Variants in RDX observed in about 807,000 individuals in gnomAD.
RDX encodes radixin.
RDX carries 32 observed loss-of-function variants against 83.7 expected under a neutral mutation model. The ratio of observed to expected loss-of-function variants is 0.38; its 90% confidence interval spans 0.29 to 0.51. RDX has a LOEUF of 0.51. Among genes scored for constraint, RDX ranks in the 20% least tolerant of loss-of-function variants. The pLI is 0.87. For missense variants in RDX, 600 were observed against 689.9 expected (o/e 0.87, Z 1.46); for synonymous variants, 229 against 222.7 (o/e 1.03, Z -0.25).
intron 9 of RDX, among the ~76,000 whole-genome samples, chr11:110,251,852 T>C (rs966379948): frequency 1.1e-4 from 16 of 152,168 alleles, no homozygotes; most frequent in Non-Finnish European, 2.1e-4. Flanking sequence ...GGAGTAAATA[T>C]AGCCAAATAT....
At chr11:110,180,654 C>CT (rs11295043) in intron 15 of RDX, among the ~76,000 whole-genome samples, 210 of 141,964 alleles carry the variant, frequency 1.5e-3, no homozygotes, top group Middle Eastern at 3.6e-3. Flanking sequence ...TATCTCAGAA[C>CT]TTTTTTTTTT....
chr11:110,191,542 T>C (rs1489816436), intron 15 of RDX, among the ~76,000 whole-genome samples: 1 of 152,204 alleles, frequency 6.6e-6, no homozygotes, highest in African/African-American at 2.4e-5. Context: ...CTATTCAGCA[T>C]AGTACTTGAA....
chr11:110,251,577 T>C (rs957504691), intron 9 of RDX, among the ~76,000 whole-genome samples: 4 of 152,214 alleles, frequency 2.6e-5, no homozygotes, highest in African/African-American at 4.8e-5. Flanking sequence ...GTTCTTTGTA[T>C]GACACTAGCC....
chr11:110,222,736 C>T (rs1864292922), intron 14 of RDX, among the ~76,000 whole-genome samples: 1 of 152,114 alleles, frequency 6.6e-6, no homozygotes, highest in Non-Finnish European at 1.5e-5. Flanking sequence ...GTGGAGGTTG[C>T]AGTGAGCCGA....
intron 15 of RDX, among the ~76,000 whole-genome samples, chr11:110,187,617 C>T (rs114337600): frequency 1.3e-5 from 2 of 152,216 alleles, no homozygotes; most frequent in Non-Finnish European, 2.9e-5. Context: ...CAGCTCCATA[C>T]CTAGGCACAC....
chr11:110,248,206 A>T (rs1034983633), intron 9 of RDX, among the ~76,000 whole-genome samples: 2 of 152,208 alleles, frequency 1.3e-5, no homozygotes, highest in Non-Finnish European at 2.9e-5. Context: ...GTAAACAAAA[A>T]CCACCTATAT....
chr11:110,226,541 G>C (rs1864442285), downstream of RDX, among the ~76,000 whole-genome samples: 1 of 152,176 alleles, frequency 6.6e-6, no homozygotes, highest in African/African-American at 2.4e-5. Context: ...GAACATCCTG[G>C]AGATGGATGG....
chr11:110,218,286 CT>C (rs1182788313), intron 14 of RDX, among the ~76,000 whole-genome samples: 2 of 152,222 alleles, frequency 1.3e-5, no homozygotes, highest in African/African-American at 4.8e-5. Flanking sequence ...GACAACTACT[CT>C]AACTCAAAGA....
At chr11:110,252,437 T>C (rs139501674) in intron 9 of RDX, among the ~76,000 whole-genome samples, 1 of 152,110 alleles carries the variant, frequency 6.6e-6, no homozygotes, top group African/African-American at 2.4e-5. Context: ...ATATCAACAT[T>C]ATGAATGAGC....
intron 1 of RDX, among the ~76,000 whole-genome samples, chr11:110,296,141 C>G (rs1429729040): frequency 6.6e-6 from 1 of 152,202 alleles, no homozygotes; most frequent in Non-Finnish European, 1.5e-5. Flanking sequence ...CCGACACCGG[C>G]GCTGAAGGCA....
chr11:110,248,459 C>CCACTGAGA (rs1476415934), intron 9 of RDX, among the ~76,000 whole-genome samples: 4 of 152,014 alleles, frequency 2.6e-5, no homozygotes, highest in Non-Finnish European at 5.9e-5. Flanking sequence ...ACAATAAAGA[C>CCACTGAGA]CACTGAGACT....
At chr11:110,294,832 A>T (rs1861381379) in intron 1 of RDX, among the ~76,000 whole-genome samples, 2 of 152,176 alleles carry the variant, frequency 1.3e-5, no homozygotes, top group Non-Finnish European at 2.9e-5. Context: ...ATGTGTGGGG[A>T]TACAGGAGTG....
In RDX at chr11:110,235,136, G is replaced by GA. The variant is rs138801395; in HGVS notation, c.1344+962dup. ...GGGGGCTGAGATGGGAGGGCTGCTTGAGGCCAGCAGTTCAAGACCAACCTG... is the reference window on the plus strand; with the variant it reads ...GGGGGCTGAGATGGGAGGGCTGCTTGAAGGCCAGCAGTTCAAGACCAACCTG... On this transcript the variant is annotated intron_variant, in intron 12 of 13. Coordinates refer to ENST00000645495, the MANE Select transcript of RDX (RefSeq NM_002906.4). Among the ~76,000 whole-genome samples the GA allele has an allele frequency of 2.1e-3, 314 of 152,164 alleles. 9 individuals carry two copies. The East Asian group carries it at 0.057, about 28-fold the overall frequency.
chr11:110,198,379 T>G (rs1863276620), intron 15 of RDX, among the ~76,000 whole-genome samples: 1 of 152,208 alleles, frequency 6.6e-6, no homozygotes, highest in African/African-American at 2.4e-5. Flanking sequence ...CATAATACTA[T>G]ATTAACCTAG....
chr11:110,195,115 C>G (rs543552107), intron 15 of RDX, among the ~76,000 whole-genome samples: 1 of 152,106 alleles, frequency 6.6e-6, no homozygotes, highest in Non-Finnish European at 1.5e-5. Flanking sequence ...CTCAGCCTCC[C>G]GAGTAGCTGG....
At chr11:110,274,534 T>C (rs1274749331) in intron 2 of RDX, among the ~76,000 whole-genome samples, 1 of 152,150 alleles carries the variant, frequency 6.6e-6, no homozygotes, top group Non-Finnish European at 1.5e-5. Context: ...CCCTGTTGCC[T>C]AGGTTGGAGC....
At position 110,273,406 on chromosome 11, in the gene RDX, TTTG is replaced by T. The variant is rs1860379987; in HGVS notation, c.13-790_13-788del. On this transcript the variant is annotated intron_variant, in intron 2 of 13. Transcript: ENST00000645495. The stretch of plus-strand genomic sequence containing the variant: ...GTGCTTTATTTGCTAGATTCTATTT[TTTG>T]TTGTTTTTAGAGACAGGGTCTCACT... Among the ~76,000 whole-genome samples the T allele has an allele frequency of 3.9e-5, 6 of 152,320 alleles. No homozygotes were observed. The South Asian group carries it at 1.2e-3, about 32-fold the overall frequency.
chr11:110,296,429 GA>G (rs1861466413), intron 1 of RDX, 37 bp downstream of exon 1: 3 of 151,594 alleles, frequency 2.0e-5, no homozygotes, highest in Non-Finnish European at 4.4e-5. Flanking sequence ...GAGGAACCGG[GA>G]GCGGGGAGTG....
In RDX at chr11:110,236,362, T is replaced by C. The variant is rs528522841; in HGVS notation, c.1252-171A>G. On this transcript the variant is annotated intron_variant, in intron 11 of 13. Transcript: ENST00000645495. ...AATAGCTTATTTACAATAAGTCCTT[T>C]AGGTAATGAGCTAAGGAGACAAAAT... 1.3e-4 allele frequency: 79 copies of C among 596,254 alleles called. No homozygotes were observed. The East Asian group carries it at 2.2e-3, about 17-fold the overall frequency. The allele number at this position is 596,254 out of a possible 1,614,324, so 36.9% of individuals were successfully genotyped here.
Sources: allele counts gnomAD v4.1 joint callset (sites outside exome capture counted in the v4.1 genomes callset), GRCh38; gene constraint gnomAD v4.1.1; transcripts MANE v1.5; gene names NCBI Gene and HGNC (gene_info 2026-07-23, HGNC 2026-07-21).